The following DDX50 variants were observed in gnomAD, a reference collection of about 807,000 sequenced individuals.
DDX50 encodes the protein ATP-dependent RNA helicase DDX50.
In DDX50, 56 loss-of-function variants were observed where a neutral mutation model predicts 94.8. The ratio of observed to expected loss-of-function variants is 0.59; its 90% CI spans 0.48 to 0.74. DDX50 has a LOEUF of 0.74. Among genes scored for constraint, DDX50 ranks in the 30% least tolerant of loss-of-function variants. The pLI, the probability that DDX50 is intolerant of heterozygous loss-of-function variation, is 0.00. For synonymous variants in DDX50, 264 were observed against 295.4 expected, an observed-to-expected ratio of 0.89 and a Z score of 1.09; for missense variants, 713 against 881.2, an observed-to-expected ratio of 0.81 and a Z score of 2.42.
At chr10:68,941,625 T>G (rs1326623258) in intron 13 of DDX50, among the ~76,000 whole-genome samples, 5 of 151,598 alleles carry the variant, frequency 3.3e-5, no homozygotes. Flanking sequence ...ACCTGGCCTT[T>G]TTGTATTATT....
Position 68,937,062 on chromosome 10 carries a change from C to T in DDX50, c.1722C>T (p.Ser574=), listed in dbSNP as rs61743874. 59,257 of 1,612,884 alleles carry T rather than the reference C, an allele frequency of 0.037. 1,252 individuals are homozygous for T. The highest frequency in any genetic ancestry group is 0.044 in the Non-Finnish European group (51,929 of 1,179,534). ...TAGCCCACATTTCTGGTGCATCAAG[C>T]TTTGAACCACGATCTTTGATCACCT... is the stretch of plus-strand genomic sequence containing the variant. ...AALAHISGAS[S]FEPRSLITSD... The change falls in exon 12 of 15, where the codon AGC becomes AGT. Residue 574 remains serine (S), a synonymous_variant. Transcript: ENST00000373585.
Position 68,934,136 on chromosome 10 carries a change from T to A in DDX50, c.1240-63T>A, listed in dbSNP as rs1306696970. On this transcript the variant is annotated intron_variant, in intron 8 of 14. Transcript: ENST00000373585. The surrounding 1 kb of genome is among the most constrained non-coding windows in gnomAD (Gnocchi z 4.0). ...ATGCAAAAGGAGCACAGACTAGATG[T>A]TGTTGTGCTATCAGTTGCAAGTATG... The A allele has an allele frequency of 4.7e-6, 7 of 1,483,206 alleles. No individual in the cohort carries two copies. In the African/African-American group the frequency reaches 7.1e-5, roughly 15 times the overall value. 91.9% of individuals were successfully genotyped at this position (1,483,206 alleles called of 1,614,324 possible).
Position 68,936,515 on chromosome 10 carries a change from AATAT to A in DDX50, c.1596-389_1596-386del, listed in dbSNP as rs869117307. ...AAAAAAAAAAAAAAAAAAAAAAAAA[AATAT>A]ATATATATATATATATATATATATA... On this transcript the variant is annotated intron_variant, in intron 11 of 14. Transcript: ENST00000373585. Among the ~76,000 whole-genome samples the A allele has an allele frequency of 5.6e-3, 297 of 53,116 alleles. 6 individuals are homozygous for A. Among genetic ancestry groups the A allele is most frequent in the South Asian group, 0.011 (11 of 1,000 alleles). The allele number at this position is 53,116 out of a possible 152,430, so 34.8% of individuals were successfully genotyped here.
intron 8 of DDX50, among the ~76,000 whole-genome samples, chr10:68,921,916 A>G (rs1441678356): frequency 6.6e-6 from 1 of 152,116 alleles, no homozygotes; most frequent in African/African-American, 2.4e-5. Context: ...TTTCCTTTAA[A>G]AATCGGTAGT....
Position 68,913,207 on chromosome 10 carries a change from A to G in DDX50, c.685A>G (p.Lys229Glu), listed in dbSNP as rs750520541. ...AAGGGAACTGGCAAACCAAGTAGCC[A>G]AAGACTTCAAAGATATAACTAGGAA... ...PTRELANQVA[K>E]DFKDITRKLS... The change falls in exon 5 of 15, where the codon AAA becomes GAA. Residue 229 changes from lysine (K) to glutamate (E), a missense_variant. This residue lies in a region of DDX50 where 285 missense variants were observed against 278.9 expected (regional missense o/e 1.02). Transcript: ENST00000373585. 2.5e-6 allele frequency: 4 copies of G among 1,613,170 alleles called. No homozygotes were observed. The highest frequency in any genetic ancestry group is 3.4e-6 in the Non-Finnish European group (4 of 1,179,862).
intron 14 of DDX50, 56 bp downstream of exon 14, chr10:68,943,313 TG>T (rs1189270906): frequency 1.4e-6 from 2 of 1,393,674 alleles, no homozygotes; most frequent in African/African-American, 2.9e-5. Context: ...ACATTTAGAT[TG>T]GGATATTTTG....
chr10:68,908,646 T>TG (rs1329359362), intron 2 of DDX50, among the ~76,000 whole-genome samples: 1 of 142,038 alleles, frequency 7.0e-6, no homozygotes, highest in African/African-American at 2.6e-5. Flanking sequence ...CCTTTTTTTT[T>TG]TTTTTTTTTT....
At chr10:68,902,184 G>T (rs1589245060) in intron 1 of DDX50, among the ~76,000 whole-genome samples, 1 of 61,272 alleles carries the variant, frequency 1.6e-5, no homozygotes, top group South Asian at 5.4e-4. Context: ...CCAGCCCCCT[G>T]CCCTCCAAAA....
intron 14 of DDX50, among the ~76,000 whole-genome samples, chr10:68,943,635 T>C (rs1842600413): frequency 6.6e-6 from 1 of 152,212 alleles, no homozygotes; most frequent in African/African-American, 2.4e-5. Flanking sequence ...TTTCTCCATG[T>C]TGGTCAGGCT....
At chr10:68,916,868 T>C (rs919970155) in intron 7 of DDX50, among the ~76,000 whole-genome samples, 6 of 152,126 alleles carry the variant, frequency 3.9e-5, no homozygotes, top group African/African-American at 1.4e-4. Context: ...GTATTTTTAG[T>C]AGAGACTGGG....
intron 1 of DDX50, 23 bp downstream of exon 1, chr10:68,901,494 C>T (rs759695083): frequency 9.0e-6 from 14 of 1,551,744 alleles, no homozygotes; most frequent in South Asian, 8.3e-5. Context: ...TGGGCCGCGC[C>T]TCCTTTTGGG....
rs540705469 is a variant in DDX50 at position 68,918,912 on chromosome 10, A to G, written c.1090-920A>G. Among the ~76,000 whole-genome samples the G allele has an allele frequency of 1.8e-3, 279 of 152,322 alleles. 1 individual carries two copies. The highest frequency in any genetic ancestry group is 6.5e-3 in the African/African-American group (270 of 41,580). ...CATAAGATTAAAATGAATCTGTCCTATACAGGTGTATCAGTTTTTATCTTT... is the reference window on the plus strand; with the variant it reads ...CATAAGATTAAAATGAATCTGTCCTGTACAGGTGTATCAGTTTTTATCTTT... On this transcript the variant is annotated intron_variant, in intron 7 of 14. Transcript: ENST00000373585.
At chr10:68,914,891 G>A in intron 7 of DDX50, among the ~76,000 whole-genome samples, 1 of 151,962 alleles carries the variant, frequency 6.6e-6, no homozygotes, top group East Asian at 1.9e-4. Flanking sequence ...CCTGGTGGCG[G>A]GCCCCTGTAG....
chr10:68,937,045 A>G lies in DDX50; in HGVS notation c.1705A>G (p.Ile569Val). The G allele has an allele frequency of 1.2e-6, 2 of 1,613,168 alleles. No homozygotes were observed. The highest frequency in any genetic ancestry group is 1.7e-6 in the Non-Finnish European group (2 of 1,179,880). The change falls in exon 12 of 15, where the codon ATT becomes GTT. Residue 569 changes from isoleucine (I) to valine (V), a missense_variant. Physicochemically the swap from Ile to Val is conservative, Grantham distance 29 (BLOSUM62 3). This residue lies in a region of DDX50 where 428 missense variants were observed against 602.3 expected (regional missense o/e 0.71). Transcript: ENST00000373585. ...VDALAAALAH[I>V]SGASSFEPRS... Reference sequence around the variant, plus strand: ...TGCATTGGCTGCAGCTTTAGCCCACATTTCTGGTGCATCAAGCTTTGAACC... The same window carrying G: ...TGCATTGGCTGCAGCTTTAGCCCACGTTTCTGGTGCATCAAGCTTTGAACC...
intron 14 of DDX50, among the ~76,000 whole-genome samples, chr10:68,944,718 T>C (rs1172013507): frequency 6.6e-6 from 1 of 152,158 alleles, no homozygotes; most frequent in African/African-American, 2.4e-5. Context: ...AGCTAATTTT[T>C]GTATTTTTAG....
At chr10:68,905,363 A>C (rs569183219) in intron 1 of DDX50, among the ~76,000 whole-genome samples, 1 of 152,332 alleles carries the variant, frequency 6.6e-6, no homozygotes, top group Non-Finnish European at 1.5e-5. Context: ...AAAAAAAAAA[A>C]AAAATCCAGG....
At position 68,946,575 on chromosome 10, in the gene DDX50, G is replaced by A. The variant is rs970465463; in HGVS notation, c.2159G>A (p.Arg720Gln). ...GGAAGTCGACAAGATGGTAGAAGAC[G>A]AAGTGGGAATAGAAATCGATCAAGA... ...RSGSRQDGRR[R>Q]SGNRNRSRSG... Residue 720 changes from arginine to glutamine, a missense_variant, in exon 15 of 15, where the codon CGA becomes CAA. Physicochemically the swap from Arg to Gln is conservative, Grantham distance 43. Transcript: ENST00000373585. 9.3e-6 allele frequency: 15 copies of A among 1,614,100 alleles called. No homozygotes were observed. Among genetic ancestry groups the A allele is most frequent in the East Asian group, 4.5e-5 (2 of 44,898 alleles).
chr10:68,945,130 G>A (rs1024936135), intron 14 of DDX50, among the ~76,000 whole-genome samples: 1 of 152,010 alleles, frequency 6.6e-6, no homozygotes, highest in African/African-American at 2.4e-5. Context: ...GCATTGCCAT[G>A]TTTATCTCTT....
Position 68,941,044 on chromosome 10 carries a change from G to C in DDX50, c.1756-16G>C. ...CTGATTTATTTCCAAACATAATGTG[G>C]TTTTTATTCCTTAAGGGGTTTGTGA... On this transcript the variant is annotated splice_polypyrimidine_tract_variant and intron_variant, in intron 12 of 14. Transcript: ENST00000373585. The C allele has an allele frequency of 6.3e-7, 1 of 1,595,330 alleles. No individual in the cohort carries two copies. Among genetic ancestry groups the C allele is most frequent in the South Asian group, 1.1e-5 (1 of 87,466 alleles).
Sources: gnomAD v4.1 joint callset for allele counts (sites outside exome capture counted in the v4.1 genomes callset) on GRCh38, gnomAD v4.1.1 for gene constraint, gnomAD v4.1.1 regional missense constraint, Gnocchi (gnomAD v3.1) non-coding constraint, MANE v1.5 for transcripts, NCBI Gene and HGNC (gene_info 2026-07-23, HGNC 2026-07-21) for gene names.